ZNF536: variants seen among roughly 807,000 people sequenced by gnomAD.
The protein encoded by ZNF536 is zinc finger protein 536.
In ZNF536, 13 loss-of-function variants were observed where a neutral mutation model predicts 84.5. The ratio of observed to expected loss-of-function variants is 0.15; its 90% CI spans 0.10 to 0.24. The LOEUF (loss-of-function observed/expected upper bound fraction) is 0.24, where lower values mean the gene tolerates loss of function less well. Ranked by LOEUF, ZNF536 falls within the 10% of genes least tolerant of loss-of-function variation. ZNF536 has a pLI of 1.00. For missense variants in ZNF536, 1,536 were observed against 1,747.5 expected (o/e 0.88, Z 2.16); for synonymous variants, 811 against 742.5 (o/e 1.09, Z -1.50).
intron 2 of ZNF536, among the ~76,000 whole-genome samples, chr19:30,295,075 T>C (rs1405770562): frequency 6.6e-6 from 1 of 152,132 alleles, no homozygotes; most frequent in African/African-American, 2.4e-5. Context: ...CACAGAGCCC[T>C]GGGGGTCTTG....
intron 2 of ZNF536, among the ~76,000 whole-genome samples, chr19:30,501,313 A>C (rs1054385895): frequency 1.3e-5 from 2 of 152,170 alleles, no homozygotes. Context: ...AGGTTTGGAG[A>C]AGTTAAAACT....
intron 1 of ZNF536, among the ~76,000 whole-genome samples, chr19:30,229,504 T>C (rs1333258082): frequency 6.6e-6 from 1 of 152,144 alleles, no homozygotes; most frequent in African/African-American, 2.4e-5. Flanking sequence ...CCCTAGTTCT[T>C]GTTTGCCGGC....
chr19:30,432,874 G>T (rs73546112), intron 1 of ZNF536, among the ~76,000 whole-genome samples: 4,673 of 152,274 alleles, frequency 0.031, 252 homozygotes, highest in African/African-American at 0.11. Context: ...GCTCTGTGGG[G>T]CTGACTGGAT....
At chr19:30,545,328 A>T (rs1459985780) in intron 3 of ZNF536, among the ~76,000 whole-genome samples, 2 of 121,720 alleles carry the variant, frequency 1.6e-5, no homozygotes, top group African/African-American at 6.4e-5. Flanking sequence ...GTCTTACCAC[A>T]CTCCCCTGGT....
intron 1 of ZNF536, among the ~76,000 whole-genome samples, chr19:30,629,990 C>A (rs1168330884): frequency 6.6e-6 from 1 of 152,210 alleles, no homozygotes; most frequent in East Asian, 1.9e-4. Context: ...TTGTTTCTGC[C>A]AGGGAGGGCA....
chr19:30,579,065 C>T (rs984175964), intron 1 of ZNF536, among the ~76,000 whole-genome samples: 1 of 152,148 alleles, frequency 6.6e-6, no homozygotes, highest in East Asian at 1.9e-4. Context: ...GTCTTTAACC[C>T]TGTTTCTAAG....
intron 2 of ZNF536, among the ~76,000 whole-genome samples, chr19:30,507,975 A>G (rs942479932): frequency 3.9e-5 from 6 of 152,174 alleles, no homozygotes; most frequent in Non-Finnish European, 8.8e-5. Flanking sequence ...TGAGGGCAGG[A>G]TCCTTGCCTG....
intron 1 of ZNF536, among the ~76,000 whole-genome samples, chr19:30,395,579 C>T (rs2049781997): frequency 6.6e-6 from 1 of 152,150 alleles, no homozygotes; most frequent in Non-Finnish European, 1.5e-5. Context: ...GCCTAAATGT[C>T]TCAGTGATTG....
intron 2 of ZNF536, among the ~76,000 whole-genome samples, chr19:30,518,782 C>T (rs1380361079): frequency 6.6e-6 from 1 of 152,134 alleles, no homozygotes; most frequent in Non-Finnish European, 1.5e-5. Flanking sequence ...GTAAACCAGA[C>T]AGACCACAGG....
At chr19:30,377,947 T>G (rs1222696240) in intron 1 of ZNF536, among the ~76,000 whole-genome samples, 1 of 152,132 alleles carries the variant, frequency 6.6e-6, no homozygotes, top group African/African-American at 2.4e-5. Context: ...TGTTGCCCAA[T>G]AGGCTCCCAA....
intron 1 of ZNF536, among the ~76,000 whole-genome samples, chr19:30,251,221 T>C (rs1277387698): frequency 2.0e-5 from 3 of 152,216 alleles, no homozygotes; most frequent in Non-Finnish European, 4.4e-5. Flanking sequence ...ACTGTGTGTC[T>C]ACATTTTCTG....
At chr19:30,410,574 A>T (rs1316434828) in intron 1 of ZNF536, among the ~76,000 whole-genome samples, 2 of 143,768 alleles carry the variant, frequency 1.4e-5, no homozygotes, top group African/African-American at 2.7e-5. Flanking sequence ...TCCCGGGTTC[A>T]CGCCATTCTC....
chr19:30,338,100 T>C (rs1046292966), intron 2 of ZNF536, among the ~76,000 whole-genome samples: 1 of 151,320 alleles, frequency 6.6e-6, no homozygotes, highest in African/African-American at 2.4e-5. Context: ...GTGATCGTGA[T>C]GGTGATTGTG....
At chr19:30,441,634 G>A (rs776857534) in intron 1 of ZNF536, among the ~76,000 whole-genome samples, 11 of 152,296 alleles carry the variant, frequency 7.2e-5, no homozygotes, top group East Asian at 1.9e-4. Context: ...ATGGGCCCGC[G>A]TATTTTAAAA....
intron 1 of ZNF536, among the ~76,000 whole-genome samples, chr19:30,232,956 G>A (rs189150996): frequency 6.6e-6 from 1 of 152,300 alleles, no homozygotes; most frequent in Admixed American, 6.5e-5. Flanking sequence ...TATGCGCTGG[G>A]CCTTGTCTTG....
intron 2 of ZNF536, among the ~76,000 whole-genome samples, chr19:30,446,100 T>G (rs4805568): frequency 0.14 from 20,830 of 151,052 alleles, 1,634 homozygotes; most frequent in East Asian, 0.2. Context: ...ATCCAAAAAT[T>G]TAGGCAAATG....
intron 2 of ZNF536, among the ~76,000 whole-genome samples, chr19:30,493,475 T>A (rs1382253173): frequency 6.6e-6 from 1 of 152,164 alleles, no homozygotes; most frequent in Non-Finnish European, 1.5e-5. Context: ...AAATTGAAAA[T>A]GTGACAAGCT....
At chr19:30,360,158 C>T (rs916765715) in intron 3 of ZNF536, among the ~76,000 whole-genome samples, 5 of 152,150 alleles carry the variant, frequency 3.3e-5, no homozygotes, top group South Asian at 2.1e-4. Flanking sequence ...TTCCTTCTAC[C>T]GAAAGTACCA....
intron 3 of ZNF536, among the ~76,000 whole-genome samples, chr19:30,535,584 G>A (rs1433061870): frequency 6.6e-6 from 1 of 152,148 alleles, no homozygotes; most frequent in Non-Finnish European, 1.5e-5. Flanking sequence ...AGGGGGGCAA[G>A]TGGCTGCTGC....
Sources: gnomAD v4.1 joint callset for allele counts (sites outside exome capture counted in the v4.1 genomes callset) on GRCh38, gnomAD v4.1.1 for gene constraint, MANE v1.5 for transcripts, NCBI Gene and HGNC (gene_info 2026-07-23, HGNC 2026-07-21) for gene names.